The following SGMS1 variants were observed in gnomAD, a reference collection of about 807,000 sequenced individuals.
The protein encoded by SGMS1 is sphingomyelin synthase 1.
A neutral mutation model predicts 46.2 loss-of-function variants in SGMS1; 13 were observed. That is an observed-to-expected ratio of 0.28 (90% CI 0.18 to 0.45). The LOEUF (loss-of-function observed/expected upper bound fraction) is 0.45. Among genes scored for constraint, SGMS1 ranks in the 20% least tolerant of loss-of-function variants. The pLI is 1.00. For synonymous variants in SGMS1, 203 were observed against 187.8 expected, an observed-to-expected ratio of 1.08 and a Z score of -0.66; for missense variants, 324 against 519.9, an observed-to-expected ratio of 0.62 and a Z score of 3.66.
intron 1 of SGMS1, among the ~76,000 whole-genome samples, chr10:50,613,965 T>C (rs1272213637): frequency 6.6e-6 from 1 of 152,222 alleles, no homozygotes; most frequent in African/African-American, 2.4e-5. Flanking sequence ...TCTTTTTTCC[T>C]ACAAACACAG....
At chr10:50,466,295 C>A (rs541006068) in intron 4 of SGMS1, among the ~76,000 whole-genome samples, 166 of 150,020 alleles carry the variant, frequency 1.1e-3, no homozygotes, top group Middle Eastern at 6.9e-3. Flanking sequence ...TACCTCTAAA[C>A]AAATAAAATA....
At chr10:50,589,119 G>C (rs1838514910) in intron 2 of SGMS1, among the ~76,000 whole-genome samples, 1 of 152,180 alleles carries the variant, frequency 6.6e-6, no homozygotes, top group Admixed American at 6.5e-5. Flanking sequence ...CCATGGCGGG[G>C]ATGGGTAGAT....
At chr10:50,503,500 A>AC (rs1837679323) in intron 3 of SGMS1, among the ~76,000 whole-genome samples, 1 of 151,736 alleles carries the variant, frequency 6.6e-6, no homozygotes, top group South Asian at 2.1e-4. Context: ...GCACCTTGTG[A>AC]CCCCCACTCC....
intron 6 of SGMS1, among the ~76,000 whole-genome samples, chr10:50,400,604 C>G (rs1304674621): frequency 6.6e-6 from 1 of 151,624 alleles, no homozygotes; most frequent in Non-Finnish European, 1.5e-5. Flanking sequence ...CTATATACCA[C>G]CTCGCCCAGC....
chr10:50,323,636 T>A lies in SGMS1; in HGVS notation c.741+3569A>T, dbSNP rs139765730. On this transcript the variant is annotated intron_variant, in intron 8 of 10. Coordinates refer to ENST00000361781, the MANE Select transcript of SGMS1 (RefSeq NM_147156.4). ...TGCTAACTATCTTGGACATCACCAC[T>A]TAGATATCTCACAGATACTTTAAAC... Among the ~76,000 whole-genome samples, 798 of 152,364 alleles carry A rather than the reference T, an allele frequency of 5.2e-3. 3 individuals carry two copies. Among genetic ancestry groups the A allele is most frequent in the Middle Eastern group, 0.034 (10 of 294 alleles).
At chr10:50,318,312 T>TA (rs1847381508) in intron 8 of SGMS1, among the ~76,000 whole-genome samples, 1 of 152,234 alleles carries the variant, frequency 6.6e-6, no homozygotes, top group African/African-American at 2.4e-5. Context: ...CAGGTGGCTC[T>TA]AGACAAACCA....
intron 2 of SGMS1, among the ~76,000 whole-genome samples, chr10:50,571,282 A>C (rs1489339982): frequency 2.0e-5 from 3 of 152,274 alleles, no homozygotes; most frequent in Non-Finnish European, 4.4e-5. Flanking sequence ...GCTATTGCCC[A>C]GGCAGCTCAC....
intron 1 of SGMS1, among the ~76,000 whole-genome samples, chr10:50,611,625 A>G (rs1283985958): frequency 1.3e-5 from 2 of 152,218 alleles, no homozygotes; most frequent in Non-Finnish European, 2.9e-5. Context: ...TCAGATGACC[A>G]GGACAGCCTG....
intron 2 of SGMS1, among the ~76,000 whole-genome samples, chr10:50,580,331 A>G (rs1169030089): frequency 1.3e-5 from 2 of 152,160 alleles, no homozygotes; most frequent in Non-Finnish European, 2.9e-5. Context: ...CGATGATTAC[A>G]ATCTATACCT....
In SGMS1 at chr10:50,343,611, T is replaced by C; in HGVS notation, c.504A>G (p.Pro168=). 1 of 1,614,120 alleles carries C rather than the reference T, an allele frequency of 6.2e-7. No homozygotes were observed. The highest frequency in any genetic ancestry group is 8.5e-7 in the Non-Finnish European group (1 of 1,180,006). The part of the protein sequence containing the change: ...ERVPPKEVQP[P]LPDTFFDHFN... ...AATGGTCAAAAAATGTGTCCGGTAG[T>C]GGAGGCTGCACCTCCTTAGGAGGTA... Residue 168 remains proline, a synonymous_variant, in exon 7 of 11, where the codon CCA becomes CCG. Coordinates refer to ENST00000361781, the MANE Select transcript of SGMS1 (RefSeq NM_147156.4).
chr10:50,420,511 G>A (rs1187588812), intron 6 of SGMS1, among the ~76,000 whole-genome samples: 1 of 152,100 alleles, frequency 6.6e-6, no homozygotes, highest in East Asian at 1.9e-4. Context: ...TTTCCTCTCA[G>A]TCAATTAAAT....
At chr10:50,563,354 G>C (rs536379351) in intron 2 of SGMS1, among the ~76,000 whole-genome samples, 23 of 152,308 alleles carry the variant, frequency 1.5e-4, no homozygotes, top group Middle Eastern at 3.4e-3. Flanking sequence ...CTGATGTATT[G>C]CTAATTCAAT....
At chr10:50,399,304 C>T (rs529358492) in intron 6 of SGMS1, among the ~76,000 whole-genome samples, 2 of 152,108 alleles carry the variant, frequency 1.3e-5, no homozygotes, top group African/African-American at 4.8e-5. Context: ...AATTTCAAAA[C>T]AGGAGATTAT....
At chr10:50,423,317 A>C (rs1849279641) in intron 6 of SGMS1, among the ~76,000 whole-genome samples, 1 of 152,036 alleles carries the variant, frequency 6.6e-6, no homozygotes, top group African/African-American at 2.4e-5. Context: ...CTCTGCATCC[A>C]AGAGAGACAA....
chr10:50,376,228 A>C (rs1183656884), intron 6 of SGMS1, among the ~76,000 whole-genome samples: 2 of 152,194 alleles, frequency 1.3e-5, no homozygotes, highest in Non-Finnish European at 2.9e-5. Flanking sequence ...ACTAAAATGC[A>C]CAAAAGACCA....
chr10:50,324,529 CT>C (rs1847499221), intron 8 of SGMS1, among the ~76,000 whole-genome samples: 1 of 152,188 alleles, frequency 6.6e-6, no homozygotes, highest in African/African-American at 2.4e-5. Context: ...TCACCCTTTT[CT>C]GTCTTCAGAT....
At chr10:50,356,920 G>A (rs528652229) in intron 6 of SGMS1, among the ~76,000 whole-genome samples, 17 of 152,094 alleles carry the variant, frequency 1.1e-4, no homozygotes, top group African/African-American at 4.1e-4. Flanking sequence ...CCTATTGTGG[G>A]GTGGGGGGAG....
intron 3 of SGMS1, among the ~76,000 whole-genome samples, chr10:50,490,316 T>C (rs995426078): frequency 6.6e-6 from 1 of 152,184 alleles, no homozygotes; most frequent in Non-Finnish European, 1.5e-5. Context: ...TGAGAGGTGA[T>C]ATAGTATAAG....
chr10:50,321,619 A>C (rs1847446199), intron 8 of SGMS1, among the ~76,000 whole-genome samples: 1 of 152,228 alleles, frequency 6.6e-6, no homozygotes, highest in Non-Finnish European at 1.5e-5. Flanking sequence ...CCAGCAGAAA[A>C]TTATCCAAAA....
Sources: gnomAD v4.1 joint callset for allele counts (sites outside exome capture counted in the v4.1 genomes callset) on GRCh38, gnomAD v4.1.1 for gene constraint, MANE v1.5 for transcripts, NCBI Gene and HGNC (gene_info 2026-07-23, HGNC 2026-07-21) for gene names.